SLCO4A1: variants seen among roughly 807,000 people sequenced by gnomAD.
SLCO4A1 encodes the protein colon organic anion transporter.
In SLCO4A1, 51 loss-of-function variants were observed where a neutral mutation model predicts 64.6. That is an observed-to-expected ratio of 0.79 (90% CI 0.63 to 1.00). SLCO4A1 has a LOEUF of 1.00. Among genes scored for constraint, SLCO4A1 ranks in the 50% least tolerant of loss-of-function variants. SLCO4A1 has a pLI of 0.00. For missense variants in SLCO4A1, 919 were observed against 980.5 expected, an observed-to-expected ratio of 0.94 and a Z score of 0.84; for synonymous variants, 471 against 444.9, an observed-to-expected ratio of 1.06 and a Z score of -0.74.
At chr20:62,682,986 A>G (rs1987904510) in intron 2 of SLCO4A1, among the ~76,000 whole-genome samples, 1 of 152,210 alleles carries the variant, frequency 6.6e-6, no homozygotes, top group Non-Finnish European at 1.5e-5. Flanking sequence ...GAGGCCGCGG[A>G]TGGACCCTGA....
In SLCO4A1 at chr20:62,661,664, C is replaced by T. The variant is rs903317002; in HGVS notation, c.1121+489C>T. ...CCCGGGCCCTGGGATGCTGCCCCCC[C>T]ATCTCCCTCCCTCCCTCAGAGTCTC... On this transcript the variant is annotated intron_variant, in intron 5 of 11. Transcript: ENST00000217159. The surrounding 1 kb of genome is among the most constrained non-coding windows in gnomAD (Gnocchi z 5.2). Among the ~76,000 whole-genome samples, 16 of 151,024 alleles carry T rather than the reference C, an allele frequency of 1.1e-4. No individual in the cohort carries two copies. The highest frequency in any genetic ancestry group is 1.9e-4 in the Non-Finnish European group (13 of 67,606).
Position 62,658,827 on chromosome 20 carries a change from G to C in SLCO4A1, c.887+60G>C, listed in dbSNP as rs1984244158. 6 of 1,411,264 alleles carry C rather than the reference G, an allele frequency of 4.3e-6. No homozygotes were observed. In the Admixed American group the frequency reaches 1.2e-4, roughly 28 times the overall value. The allele number at this position is 1,411,264 out of a possible 1,614,324, so 87.4% of individuals were successfully genotyped here. A position where few individuals can be genotyped will look rare whatever the true frequency, so the allele number is the denominator to read the frequency against. ...GAGGCCCACGTGTCTCTGGAAGGGGGTTCAGAGTCAGCAGGGCCCACTCTG... is the reference window on the plus strand; with the variant it reads ...GAGGCCCACGTGTCTCTGGAAGGGGCTTCAGAGTCAGCAGGGCCCACTCTG... On this transcript the variant is annotated intron_variant, in intron 3 of 11. Transcript: ENST00000217159.
downstream of SLCO4A1, among the ~76,000 whole-genome samples, chr20:62,687,383 C>T (rs1440722112): frequency 2.6e-5 from 4 of 152,250 alleles, no homozygotes; most frequent in Admixed American, 6.5e-5. Context: ...CCATCTGAGC[C>T]GAGGCCCGGG....
intron 2 of SLCO4A1, among the ~76,000 whole-genome samples, chr20:62,658,319 G>A (rs527344419): frequency 6.6e-6 from 1 of 152,312 alleles, no homozygotes; most frequent in African/African-American, 2.4e-5. Flanking sequence ...GCGTGGCTGG[G>A]CGGAGGGGCT....
At chr20:62,647,633 G>A (rs1043063140) in intron 1 of SLCO4A1, among the ~76,000 whole-genome samples, 9 of 152,274 alleles carry the variant, frequency 5.9e-5, no homozygotes, top group African/African-American at 1.4e-4. Flanking sequence ...GAGATCCTGC[G>A]TCCTTTCCAC....
intron 1 of SLCO4A1, chr20:62,648,885 TG>T (rs1306889839): frequency 6.6e-6 from 1 of 152,236 alleles, no homozygotes; most frequent in Non-Finnish European, 1.5e-5. Context: ...GGGCTCCTCG[TG>T]GGTGCGACAG....
rs199780207 is a variant in SLCO4A1, at chr20:62,671,903, G to T, written c.*10G>T. ...CCAGAGCAGCGTCTGACCACCGCCC[G>T]CGCCCACCCGGCCACGGCGGGCACT... On this transcript the variant is annotated 3_prime_UTR_variant, in exon 12 of 12. Transcript: ENST00000217159. 1.9e-6 allele frequency: 3 copies of T among 1,609,266 alleles called. No individual in the cohort carries two copies. Among genetic ancestry groups the T allele is most frequent in the Non-Finnish European group, 1.7e-6 (2 of 1,179,992 alleles).
chr20:62,654,614 C>A (rs1163999935), intron 1 of SLCO4A1, among the ~76,000 whole-genome samples: 3 of 152,256 alleles, frequency 2.0e-5, no homozygotes, highest in African/African-American at 7.2e-5. Context: ...CTGATGTGGC[C>A]CCGGCCTCAG....
intron 2 of SLCO4A1, among the ~76,000 whole-genome samples, chr20:62,682,271 C>T (rs536019713): frequency 2.0e-5 from 3 of 152,292 alleles, no homozygotes; most frequent in East Asian, 1.9e-4. Context: ...ACCTGGCTTG[C>T]GGGACAAGAC....
At chr20:62,675,287 A>C (rs140183323), downstream of SLCO4A1, among the ~76,000 whole-genome samples, 136 of 152,078 alleles carry the variant, frequency 8.9e-4, 2 homozygotes, top group East Asian at 0.019. Context: ...GTGGTGCGTG[A>C]TGGATGAGGC....
downstream of SLCO4A1, among the ~76,000 whole-genome samples, chr20:62,688,185 C>T (rs1235319560): frequency 7.9e-5 from 12 of 152,318 alleles, no homozygotes; most frequent in South Asian, 1.7e-3. Context: ...ATATGCAAGC[C>T]GCAGAAGCTG....
chr20:62,643,672 C>G (rs1387488112), intron 1 of SLCO4A1, among the ~76,000 whole-genome samples: 1 of 152,212 alleles, frequency 6.6e-6, no homozygotes, highest in Non-Finnish European at 1.5e-5. Flanking sequence ...CTGCAGAGCC[C>G]GGTGTCAGCG....
In SLCO4A1 at chr20:62,669,094, G is replaced by T; in HGVS notation, c.2025+16G>T. Reference sequence around the variant, plus strand: ...CCTGTACAAGGTAAGCAGGCCCAGGGAGGGGACAGAGGGTCTGCTCTGAGG... The same window carrying T: ...CCTGTACAAGGTAAGCAGGCCCAGGTAGGGGACAGAGGGTCTGCTCTGAGG... On this transcript the variant is annotated intron_variant, in intron 11 of 11. Coordinates refer to ENST00000217159, the MANE Select transcript of SLCO4A1 (RefSeq NM_016354.4). 1 of 1,604,984 alleles carries T rather than the reference G, an allele frequency of 6.2e-7. No homozygotes were observed.
At chr20:62,655,473 C>T (rs924471462) in intron 1 of SLCO4A1, among the ~76,000 whole-genome samples, 2 of 152,228 alleles carry the variant, frequency 1.3e-5, no homozygotes, top group African/African-American at 4.8e-5. Context: ...CCTGGGTTCC[C>T]CAGAAGGCCT....
chr20:62,650,807 T>C (rs1290557502), intron 1 of SLCO4A1: 2 of 152,220 alleles, frequency 1.3e-5, no homozygotes, highest in Non-Finnish European at 2.9e-5. Flanking sequence ...GGGCTGGTTT[T>C]CGTGGCAAAC....
intron 1 of SLCO4A1, among the ~76,000 whole-genome samples, chr20:62,655,590 C>T (rs1601627690): frequency 6.6e-6 from 1 of 152,102 alleles, no homozygotes; most frequent in East Asian, 1.9e-4. Context: ...GGCAGTGGGG[C>T]AGGGGCAGCG....
At position 62,661,415 on chromosome 20, in the gene SLCO4A1, CG is replaced by C. The variant is rs1271803240; in HGVS notation, c.1121+241del. On this transcript the variant is annotated intron_variant, in intron 5 of 11. Transcript: ENST00000217159. This position sits in a 1 kb window ranked among gnomAD's most constrained non-coding sequence, Gnocchi z 5.2. The stretch of plus-strand genomic sequence containing the variant: ...CCAGAGTGGGGCCGGGGCCTCGGCC[CG>C]CACCCAGGGAGCCATCACTTCACTC... 1.3e-5 allele frequency among the ~76,000 whole-genome samples: 2 copies of C among 152,076 alleles called. No homozygotes were observed. The highest frequency in any genetic ancestry group is 2.9e-5 in the Non-Finnish European group (2 of 67,984).
rs144021780 is a variant in SLCO4A1, at chr20:62,662,100, C to T, written c.1121+925C>T. On this transcript the variant is annotated intron_variant, in intron 5 of 11. Coordinates refer to ENST00000217159, the MANE Select transcript of SLCO4A1 (RefSeq NM_016354.4). ...GAGGGTGTGGGCAATGGGTGAGTCC[C>T]TGCTGCCTGCCCTCAACCAGGATAG... Among the ~76,000 whole-genome samples, 853 of 152,280 alleles carry T rather than the reference C, an allele frequency of 5.6e-3. 10 individuals are homozygous for T. Among genetic ancestry groups the T allele is most frequent in the African/African-American group, 0.02 (816 of 41,558 alleles).
intron 1 of SLCO4A1, chr20:62,649,296 G>A (rs1302447626): frequency 3.9e-5 from 6 of 152,264 alleles, no homozygotes; most frequent in Non-Finnish European, 8.8e-5. Context: ...CTCAGCCTTT[G>A]GATCTATGTA....
Sources: gnomAD v4.1 joint callset for allele counts (sites outside exome capture counted in the v4.1 genomes callset) on GRCh38, gnomAD v4.1.1 for gene constraint, Gnocchi (gnomAD v3.1) non-coding constraint, MANE v1.5 for transcripts, NCBI Gene and HGNC (gene_info 2026-07-23, HGNC 2026-07-21) for gene names.